RIMS2: variants seen among roughly 807,000 people sequenced by gnomAD.
The protein encoded by RIMS2 is regulating synaptic membrane exocytosis protein 2.
RIMS2 carries 59 observed loss-of-function variants against 174.4 expected under a neutral mutation model. That is an observed-to-expected ratio of 0.34 (90% CI 0.27 to 0.42). The LOEUF is 0.42. Ranked by LOEUF, RIMS2 falls within the 10% of genes least tolerant of loss-of-function variation. RIMS2 has a pLI of 1.00. For missense variants in RIMS2, 1,620 were observed against 1,666.3 expected (o/e 0.97, Z 0.48); for synonymous variants, 606 against 572.5 (o/e 1.06, Z -0.84).
chr8:103,593,506 T>C (rs1267986180), intron 1 of RIMS2, among the ~76,000 whole-genome samples: 1 of 151,488 alleles, frequency 6.6e-6, no homozygotes, highest in Non-Finnish European at 1.5e-5. Context: ...AAAAGATATC[T>C]ATAATGACCT....
intron 1 of RIMS2, among the ~76,000 whole-genome samples, chr8:103,642,699 C>T (rs2096253919): frequency 6.6e-6 from 1 of 151,818 alleles, no homozygotes; most frequent in Non-Finnish European, 1.5e-5. Context: ...GAGTGTAGAC[C>T]TATAGGTTGG....
chr8:103,539,684 C>T (rs1419702932), intron 1 of RIMS2, among the ~76,000 whole-genome samples: 1 of 152,180 alleles, frequency 6.6e-6, no homozygotes, highest in African/African-American at 2.4e-5. Flanking sequence ...GAGAGGGCTA[C>T]ACAGCTGTAT....
chr8:103,582,547 G>C (rs747999986), intron 1 of RIMS2, among the ~76,000 whole-genome samples: 5 of 152,174 alleles, frequency 3.3e-5, no homozygotes, highest in Non-Finnish European at 5.9e-5. Context: ...CTGGGCCAGA[G>C]GGGAGTCCAT....
chr8:103,613,135 A>G (rs769984167), intron 1 of RIMS2, among the ~76,000 whole-genome samples: 4 of 152,070 alleles, frequency 2.6e-5, no homozygotes, highest in Non-Finnish European at 4.4e-5. Flanking sequence ...AGGGTGGTGC[A>G]TTTTCCCAGG....
chr8:103,936,752 AT>A (rs1565411938), intron 13 of RIMS2, 30 bp downstream of exon 15: 1 of 1,510,970 alleles, frequency 6.6e-7, no homozygotes, highest in Admixed American at 1.9e-5. Flanking sequence ...AGTTTATGCT[AT>A]TCATGTTATC....
intron 1 of RIMS2, among the ~76,000 whole-genome samples, chr8:103,628,633 T>A (rs2095842576): frequency 6.6e-6 from 1 of 151,676 alleles, no homozygotes; most frequent in Admixed American, 6.6e-5. Flanking sequence ...ACTCCCAAAG[T>A]ACTGTGATTA....
At chr8:103,772,052 A>G (rs1000021418) in intron 3 of RIMS2, among the ~76,000 whole-genome samples, 1 of 152,100 alleles carries the variant, frequency 6.6e-6, no homozygotes, top group African/African-American at 2.4e-5. Flanking sequence ...TCTAGTACTT[A>G]TGACTTTCCA....
intron 19 of RIMS2, among the ~76,000 whole-genome samples, chr8:104,059,344 G>A (rs888964934): frequency 4.0e-5 from 6 of 149,786 alleles, no homozygotes; most frequent in Non-Finnish European, 5.9e-5. Context: ...GTGAATGGGA[G>A]TTCACTCATG....
intron 19 of RIMS2, among the ~76,000 whole-genome samples, chr8:104,109,153 C>T (rs995912384): frequency 1.2e-4 from 18 of 151,572 alleles, no homozygotes; most frequent in Admixed American, 9.9e-4. Context: ...AAAAATTAGC[C>T]GGGCGTGGTG....
chr8:103,800,574 C>T (rs955773820), intron 3 of RIMS2, among the ~76,000 whole-genome samples: 4 of 151,922 alleles, frequency 2.6e-5, no homozygotes, highest in African/African-American at 9.7e-5. Flanking sequence ...TTTTTTATGC[C>T]TCTGTTGAAA....
At position 103,795,885 on chromosome 8, in the gene RIMS2, G is replaced by T. The variant is rs140132231; in HGVS notation, c.698+29348G>T. On this transcript the variant is annotated intron_variant, in intron 3 of 23. Coordinates refer to ENST00000504942, the Ensembl canonical transcript of RIMS2. The stretch of plus-strand genomic sequence containing the variant: ...TCCAAGTTCTATAATCTTACCTTGT[G>T]TTCCACAAATATTTCAAAATCGAGA... Among the ~76,000 whole-genome samples the T allele has an allele frequency of 4.2e-3, 645 of 152,180 alleles. 4 individuals carry two copies. Among genetic ancestry groups the T allele is most frequent in the African/African-American group, 0.015 (615 of 41,522 alleles).
At chr8:104,070,039 T>C (rs1390609545) in intron 19 of RIMS2, among the ~76,000 whole-genome samples, 1 of 152,200 alleles carries the variant, frequency 6.6e-6, no homozygotes, top group African/African-American at 2.4e-5. Flanking sequence ...TGTTTTATCC[T>C]TACATACTTA....
chr8:104,236,095 C>T (rs1027286181), intron 19 of RIMS2, among the ~76,000 whole-genome samples: 1 of 149,548 alleles, frequency 6.7e-6, no homozygotes, highest in Non-Finnish European at 1.5e-5. Context: ...TCTCTCTATT[C>T]CCTGTATTTC....
At chr8:103,752,805 G>T (rs1241978671) in intron 2 of RIMS2, among the ~76,000 whole-genome samples, 1 of 152,136 alleles carries the variant, frequency 6.6e-6, no homozygotes, top group Non-Finnish European at 1.5e-5. Flanking sequence ...CTTTGCTGAA[G>T]TTACTTATCA....
intron 2 of RIMS2, 114 bp downstream of exon 4, chr8:103,697,410 C>T: frequency 1.1e-6 from 1 of 875,042 alleles, no homozygotes; most frequent in Non-Finnish European, 1.9e-6. Flanking sequence ...TTAGCAAAAA[C>T]ATTTTAAAAT....
intron 2 of RIMS2, among the ~76,000 whole-genome samples, chr8:103,736,180 T>A (rs1454543750): frequency 6.6e-6 from 1 of 152,210 alleles, no homozygotes; most frequent in African/African-American, 2.4e-5. Flanking sequence ...GTCATACTTG[T>A]TGTAATGTGA....
chr8:103,549,822 T>C (rs1199037088), intron 1 of RIMS2, among the ~76,000 whole-genome samples: 10 of 152,146 alleles, frequency 6.6e-5, no homozygotes, highest in Non-Finnish European at 7.3e-5. Context: ...GTTGCAATCC[T>C]AGTCTCTGAT....
chr8:103,837,129 C>T (rs369346877), intron 3 of RIMS2, among the ~76,000 whole-genome samples: 2 of 152,204 alleles, frequency 1.3e-5, no homozygotes, highest in African/African-American at 4.8e-5. Flanking sequence ...AAACACTCCA[C>T]CTATTTACTG....
At chr8:103,875,082 T>C (rs2099129515) in intron 3 of RIMS2, among the ~76,000 whole-genome samples, 1 of 152,030 alleles carries the variant, frequency 6.6e-6, no homozygotes, top group Non-Finnish European at 1.5e-5. Context: ...TGAAGAGAGA[T>C]TTACTTCAAG....
Sources: allele counts gnomAD v4.1 joint callset (sites outside exome capture counted in the v4.1 genomes callset), GRCh38; gene constraint gnomAD v4.1.1; transcripts MANE v1.5; gene names NCBI Gene and HGNC (gene_info 2026-07-23, HGNC 2026-07-21).